Variants in MIA2 observed in about 807,000 individuals in gnomAD.
MIA2 encodes the protein MIA SH3 domain ER export factor 2.
MIA2 carries 127 observed loss-of-function variants against 167.8 expected under a neutral mutation model. The observed-to-expected ratio is 0.76, with a 90% CI of 0.66 to 0.88. The LOEUF (loss-of-function observed/expected upper bound fraction) is 0.88, where lower values mean the gene tolerates loss of function less well. MIA2 is among the 40% of genes least tolerant of loss of function. The pLI, the probability that MIA2 is intolerant of heterozygous loss-of-function variation, is 0.00. For missense variants in MIA2, 1,690 were observed against 1,624.7 expected, an observed-to-expected ratio of 1.04 and a Z score of -0.69; for synonymous variants, 552 against 541.9, an observed-to-expected ratio of 1.02 and a Z score of -0.26.
In MIA2 at chr14:39,319,297, C is replaced by CTTT; in HGVS notation, c.3367+15_3367+17dup. Reference sequence around the variant, plus strand: ...AAATACAGCATTTGGCAGAGGTAGTCTTTTTTTTTTTACCCCTCATTTAAA... The same window carrying CTTT: ...AAATACAGCATTTGGCAGAGGTAGTCTTTTTTTTTTTTTTACCCCTCATTTAAA... On this transcript the variant is annotated splice_region_variant and intron_variant, in intron 23 of 28. Coordinates refer to ENST00000640607, the MANE Select transcript of MIA2 (RefSeq NM_001329214.4). 1 of 1,237,620 alleles carries CTTT rather than the reference C, an allele frequency of 8.1e-7. No homozygotes were observed. The highest frequency in any genetic ancestry group is 1.8e-5 in the South Asian group (1 of 55,634). 76.7% of individuals were successfully genotyped at this position (1,237,620 alleles called of 1,614,324 possible).
At chr14:39,238,838 T>C (rs1030121714) in intron 2 of MIA2, among the ~76,000 whole-genome samples, 4 of 78,890 alleles carry the variant, frequency 5.1e-5, no homozygotes, top group Non-Finnish European at 1.1e-4. Flanking sequence ...ACCTAGCTGA[T>C]AGAGCTTTTT....
At chr14:39,275,280 ACAGGTGCCTGC>A (rs2057828936) in intron 6 of MIA2, among the ~76,000 whole-genome samples, 1 of 151,704 alleles carries the variant, frequency 6.6e-6, no homozygotes, top group East Asian at 1.9e-4. Flanking sequence ...AGCTGGAACT[ACAGGTGCCTGC>A]CACCATGCCT....
At chr14:39,249,678 T>C (rs2152631688) in intron 4 of MIA2, among the ~76,000 whole-genome samples, 1 of 152,274 alleles carries the variant, frequency 6.6e-6, no homozygotes, top group East Asian at 1.9e-4. Context: ...ATTAAAAACA[T>C]GTGGATGGTA....
chr14:39,242,299 T>G (rs2054079147), intron 3 of MIA2, among the ~76,000 whole-genome samples: 2 of 151,682 alleles, frequency 1.3e-5, no homozygotes, highest in Admixed American at 1.3e-4. Flanking sequence ...AGCTTTCTGT[T>G]TATTTCCTTC....
chr14:39,381,839 T>TCAA (rs200198231), intron 23 of MIA2, among the ~76,000 whole-genome samples: 22 of 145,660 alleles, frequency 1.5e-4, no homozygotes, highest in African/African-American at 2.9e-4. Flanking sequence ...CAGAAACAAA[T>TCAA]CAACAACAAC....
At chr14:39,332,455 C>T (rs2069128539) in intron 25 of MIA2, among the ~76,000 whole-genome samples, 1 of 152,180 alleles carries the variant, frequency 6.6e-6, no homozygotes, top group South Asian at 2.1e-4. Context: ...ATTTGTCGAA[C>T]TCATTGTCTG....
intron 10 of MIA2, among the ~76,000 whole-genome samples, chr14:39,291,587 G>C (rs2060745573): frequency 1.3e-5 from 2 of 152,106 alleles, no homozygotes; most frequent in South Asian, 4.1e-4. Context: ...GGTGTATGTT[G>C]GTAAATGTTT....
downstream of MIA2, among the ~76,000 whole-genome samples, chr14:39,354,520 T>C (rs543548014): frequency 3.3e-5 from 5 of 152,276 alleles, no homozygotes; most frequent in South Asian, 4.1e-4. Flanking sequence ...TGCCTGTTTA[T>C]TCTGATGGTA....
At chr14:39,239,525 A>G (rs1281534421) in intron 2 of MIA2, among the ~76,000 whole-genome samples, 1 of 152,204 alleles carries the variant, frequency 6.6e-6, no homozygotes, top group Non-Finnish European at 1.5e-5. Flanking sequence ...GCTGCACTCC[A>G]GCCTGGGCAA....
chr14:39,379,750 C>T (rs2139356130), intron 23 of MIA2, among the ~76,000 whole-genome samples: 1 of 152,204 alleles, frequency 6.6e-6, no homozygotes, highest in East Asian at 1.9e-4. Context: ...TATCAGGAGG[C>T]TGAGGCAGGA....
intron 3 of MIA2, among the ~76,000 whole-genome samples, chr14:39,243,791 G>A (rs1395292169): frequency 2.6e-5 from 4 of 152,128 alleles, no homozygotes; most frequent in East Asian, 1.9e-4. Flanking sequence ...GCTTGAACCC[G>A]GGAGGCAGAG....
chr14:39,294,730 G>A (rs561067193), intron 12 of MIA2, among the ~76,000 whole-genome samples, 195 bp from the exon 13 acceptor site: 3 of 152,240 alleles, frequency 2.0e-5, no homozygotes, highest in East Asian at 1.9e-4. Flanking sequence ...AGGTCACATC[G>A]TAGCAAGTTA....
At position 39,247,116 on chromosome 14, in the gene MIA2, T is replaced by C. The variant is rs758195907; in HGVS notation, c.542T>C (p.Leu181Ser). Residue 181 changes from leucine to serine, a missense_variant, in exon 4 of 29, where the codon TTA (leucine) becomes TCA (serine). By Grantham distance (145) the Leu-to-Ser change is moderately radical. Transcript: ENST00000640607. The stretch of plus-strand genomic sequence containing the variant: ...TTGTTTGAAGACCAAGTTCCAGCAT[T>C]AGAGGCTCCTGAAGATATCGGAAGT... ...STLFEDQVPA[L>S]EAPEDIGSTS... 4 of 1,610,820 alleles carry C rather than the reference T, an allele frequency of 2.5e-6. No homozygotes were observed. In the East Asian group the frequency reaches 8.9e-5, roughly 36 times the overall value.
At chr14:39,264,965 C>A (rs199584282) in intron 6 of MIA2, among the ~76,000 whole-genome samples, 1 of 151,914 alleles carries the variant, frequency 6.6e-6, no homozygotes, top group African/African-American at 2.4e-5. Flanking sequence ...CCCATGTCTA[C>A]TTATGGAGGA....
chr14:39,315,649 T>C, intron 20 of MIA2, 34 bp from the exon 21 acceptor site: 1 of 1,481,350 alleles, frequency 6.8e-7, no homozygotes, highest in Non-Finnish European at 9.3e-7. Context: ...AGAAAAATAA[T>C]GGTCAGTAGC....
At chr14:39,324,256 T>C (rs564368486) in intron 24 of MIA2, among the ~76,000 whole-genome samples, 2 of 152,334 alleles carry the variant, frequency 1.3e-5, no homozygotes, top group Admixed American at 6.5e-5. Context: ...TAAATCTCTG[T>C]GCTTCATTCC....
chr14:39,330,254 A>T (rs752214641), intron 25 of MIA2, among the ~76,000 whole-genome samples: 7 of 152,120 alleles, frequency 4.6e-5, no homozygotes, highest in Non-Finnish European at 8.8e-5. Flanking sequence ...GTTTGTTCAC[A>T]TGGAGTTCTT....
intron 14 of MIA2, 133 bp from the exon 15 acceptor site, chr14:39,301,996 G>A: frequency 1.0e-6 from 1 of 983,806 alleles, no homozygotes; most frequent in Non-Finnish European, 1.5e-6. Context: ...CTTAATAAGA[G>A]GTGGAAAATA....
At position 39,288,445 on chromosome 14, in the gene MIA2, A is replaced by ATTTTTTT. The variant is rs1566746216; in HGVS notation, c.2131-2573_2131-2572insTTTTTTT. Among the ~76,000 whole-genome samples the ATTTTTTT allele has an allele frequency of 9.1e-4, 5 of 5,506 alleles. 2 individuals carry two copies. The highest frequency in any genetic ancestry group is 3.2e-3 in the East Asian group (1 of 308). 3.6% of individuals were successfully genotyped at this position (5,506 alleles called of 152,430 possible). A position where few individuals can be genotyped will look rare whatever the true frequency, so the allele number is the denominator to read the frequency against. ...GTATATATTATACATATATATATAT[A>ATTTTTTT]TATATATATATATATATATATATAT... On this transcript the variant is annotated intron_variant, in intron 9 of 28. Transcript: ENST00000640607.
Sources: gnomAD v4.1 joint callset for allele counts (sites outside exome capture counted in the v4.1 genomes callset) on GRCh38, gnomAD v4.1.1 for gene constraint, MANE v1.5 for transcripts, NCBI Gene and HGNC (gene_info 2026-07-23, HGNC 2026-07-21) for gene names.